NF1: variants seen among roughly 807,000 people sequenced by gnomAD.
The protein encoded by NF1 is neurofibromin 1.
Under a neutral mutation model 325.7 loss-of-function variants are expected in NF1, and 122 were observed. The observed-to-expected ratio is 0.37, with a 90% CI of 0.32 to 0.44. The LOEUF is 0.44. NF1 is among the 20% of genes least tolerant of loss of function. The pLI, the probability that NF1 is intolerant of heterozygous loss-of-function variation, is 1.00. For synonymous variants in NF1, 1,091 were observed against 1,186.0 expected, an observed-to-expected ratio of 0.92 and a Z score of 1.65; for missense variants, 2,140 against 3,415.4, an observed-to-expected ratio of 0.63 and a Z score of 9.31.
At chr17:31,368,392 G>A (rs2070572456) in intron 57 of NF1, among the ~76,000 whole-genome samples, 1 of 152,032 alleles carries the variant, frequency 6.6e-6, no homozygotes, top group African/African-American at 2.4e-5. Context: ...GCCTGCCTTG[G>A]CCTCCCAAAA....
At chr17:31,288,630 G>C (rs1010343014) in intron 36 of NF1, among the ~76,000 whole-genome samples, 1 of 148,588 alleles carries the variant, frequency 6.7e-6, no homozygotes. Flanking sequence ...TCCGCCTCCC[G>C]GGTTCAAGCG....
At chr17:31,365,077 A>AT (rs779717811) in intron 57 of NF1, among the ~76,000 whole-genome samples, 1 of 151,822 alleles carries the variant, frequency 6.6e-6, no homozygotes, top group Non-Finnish European at 1.5e-5. Context: ...AGGCAGGTGG[A>AT]TTGCTTGAGA....
Position 31,307,864 on chromosome 17 carries a change from G to A in NF1, c.4836-17956G>A, listed in dbSNP as rs564247966. 8.6e-6 allele frequency: 11 copies of A among 1,283,626 alleles called. No homozygotes were observed. The East Asian group carries it at 5.0e-4, about 58-fold the overall frequency. 79.5% of individuals were successfully genotyped at this position (1,283,626 alleles called of 1,614,324 possible). The stretch of plus-strand genomic sequence containing the variant: ...GAGATTTGATGTTCTGTTGGAAGGT[G>A]CAATAAAGGTTTTACAAATTACCTT... On this transcript the variant is annotated intron_variant, in intron 36 of 57. Transcript: ENST00000358273.
intron 8 of NF1, among the ~76,000 whole-genome samples, chr17:31,184,090 G>A (rs570173812): frequency 8.9e-4 from 135 of 152,210 alleles, no homozygotes; most frequent in Admixed American, 1.9e-3. Context: ...TTGTTTGGGG[G>A]TTTCTGGAGT....
chr17:31,228,988 G>T (rs768727182), intron 20 of NF1, 37 bp from the exon 21 acceptor site: 2 of 1,538,952 alleles, frequency 1.3e-6, no homozygotes, highest in Non-Finnish European at 8.9e-7. Context: ...ACTAATTAAG[G>T]TTTAATTCAT....
intron 1 of NF1, among the ~76,000 whole-genome samples, chr17:31,117,808 G>A (rs566496852): frequency 4.6e-5 from 7 of 150,574 alleles, no homozygotes; most frequent in East Asian, 2.0e-4. Flanking sequence ...TTTGTCATGT[G>A]ACTGGTCTTA....
chr17:31,362,804 T>C (rs1006845872), intron 57 of NF1, among the ~76,000 whole-genome samples: 1 of 152,214 alleles, frequency 6.6e-6, no homozygotes, highest in Admixed American at 6.5e-5. Context: ...CTGCCTATCT[T>C]TGCCCACTAA....
chr17:31,165,790 A>C (rs1014416001), intron 4 of NF1, among the ~76,000 whole-genome samples: 1 of 152,090 alleles, frequency 6.6e-6, no homozygotes, highest in African/African-American at 2.4e-5. Flanking sequence ...CCTGGGCTCA[A>C]GAGATCCTCC....
chr17:31,151,414 G>A (rs899266866), intron 1 of NF1, among the ~76,000 whole-genome samples: 1 of 151,998 alleles, frequency 6.6e-6, no homozygotes, highest in Non-Finnish European at 1.5e-5. Flanking sequence ...AATTATTCTG[G>A]TCATCTGAAG....
chr17:31,337,402 A>G lies in NF1; in HGVS notation c.6462A>G (p.Thr2154=). 4 of 1,614,146 alleles carry G rather than the reference A, an allele frequency of 2.5e-6. No homozygotes were observed. The highest frequency in any genetic ancestry group is 2.5e-6 in the Non-Finnish European group (3 of 1,179,962). The part of the protein sequence containing the change: ...ETKQVLRLSL[T]EFSLPKFYLL... ...AGCAAGTTTTGAGACTCAGTCTGACAGAGTTCTCATTACCCAAATTTTACT... is the reference window on the plus strand; with the variant it reads ...AGCAAGTTTTGAGACTCAGTCTGACGGAGTTCTCATTACCCAAATTTTACT... Residue 2154 remains threonine, a synonymous_variant, in exon 43 of 58, where the codon ACA becomes ACG. Transcript: ENST00000358273.
intron 4 of NF1, among the ~76,000 whole-genome samples, chr17:31,167,007 C>G (rs777061824): frequency 2.6e-5 from 4 of 152,160 alleles, no homozygotes; most frequent in Non-Finnish European, 2.9e-5. Context: ...AGGTTTTCTA[C>G]TGTTCATTTC....
intron 29 of NF1, among the ~76,000 whole-genome samples, chr17:31,247,003 C>T (rs533199767): frequency 6.6e-5 from 10 of 151,796 alleles, no homozygotes; most frequent in South Asian, 6.3e-4. Context: ...TAGACCATGC[C>T]GGCCAACATG....
chr17:31,288,575 C>A (rs911179186), intron 36 of NF1, among the ~76,000 whole-genome samples: 2 of 134,732 alleles, frequency 1.5e-5, no homozygotes, highest in African/African-American at 5.2e-5. Context: ...TTGCTCTTGT[C>A]ACCCAGGCTG....
chr17:31,266,550 G>A (rs2067793224), intron 36 of NF1, among the ~76,000 whole-genome samples: 1 of 151,938 alleles, frequency 6.6e-6, no homozygotes, highest in Admixed American at 6.6e-5. Flanking sequence ...ATTTTCGTTT[G>A]CGTTTGAGAT....
intron 51 of NF1, among the ~76,000 whole-genome samples, chr17:31,353,982 A>G (rs902977274): frequency 2.0e-5 from 3 of 152,250 alleles, no homozygotes; most frequent in African/African-American, 7.2e-5. Flanking sequence ...GTACCTTGCC[A>G]TAAATAATCA....
At chr17:31,333,843 GTT>G (rs996960663) in intron 39 of NF1, among the ~76,000 whole-genome samples, 2 of 152,194 alleles carry the variant, frequency 1.3e-5, no homozygotes, top group African/African-American at 4.8e-5. Context: ...TAAATTTTGT[GTT>G]GTGTATATTT....
intron 1 of NF1, chr17:31,137,865 A>G (rs1915890793): frequency 6.6e-6 from 1 of 152,166 alleles, no homozygotes; most frequent in Non-Finnish European, 1.5e-5. Context: ...GAATTTGGAA[A>G]GAATTTCTCC....
At chr17:31,227,730 G>A in intron 20 of NF1, 124 bp downstream of exon 20, 3 of 856,312 alleles carry the variant, frequency 3.5e-6, no homozygotes, top group South Asian at 2.9e-5. Flanking sequence ...CTGATATTTA[G>A]TTGTGGTTTA....
At chr17:31,283,232 A>G (rs1292384710) in intron 36 of NF1, among the ~76,000 whole-genome samples, 1 of 151,998 alleles carries the variant, frequency 6.6e-6, no homozygotes, top group Non-Finnish European at 1.5e-5. Context: ...CCTGGCTAAC[A>G]CAGTGAAATC....
Sources: allele counts gnomAD v4.1 joint callset (sites outside exome capture counted in the v4.1 genomes callset), GRCh38; gene constraint gnomAD v4.1.1; transcripts MANE v1.5; gene names NCBI Gene and HGNC (gene_info 2026-07-23, HGNC 2026-07-21).